Variants in MTMR2 observed in about 807,000 individuals in gnomAD.
MTMR2 encodes the protein phosphatidylinositol-3,5-bisphosphate 3-phosphatase MTMR2.
A neutral mutation model predicts 86.9 loss-of-function variants in MTMR2; 55 were observed. That is an observed-to-expected ratio of 0.63 (90% CI 0.51 to 0.79). MTMR2 has a LOEUF of 0.79. Ranked by LOEUF, MTMR2 falls within the 30% of genes least tolerant of loss-of-function variation. The pLI, the probability that MTMR2 is intolerant of heterozygous loss-of-function variation, is 0.00. For synonymous variants in MTMR2, 241 were observed against 266.8 expected, an observed-to-expected ratio of 0.90 and a Z score of 0.94; for missense variants, 659 against 772.3, an observed-to-expected ratio of 0.85 and a Z score of 1.74.
At chr11:95,902,370 C>A (rs528765824) in intron 1 of MTMR2, among the ~76,000 whole-genome samples, 1 of 152,144 alleles carries the variant, frequency 6.6e-6, no homozygotes, top group Non-Finnish European at 1.5e-5. Flanking sequence ...TCTCCAATAC[C>A]ATTAGCAAAA....
In MTMR2 at chr11:95,857,650, A is replaced by G. The variant is rs1864261330; in HGVS notation, c.571-15T>C. 6.6e-7 allele frequency: 1 copy of G among 1,520,720 alleles called. No individual in the cohort carries two copies. Among genetic ancestry groups the G allele is most frequent in the South Asian group, 1.1e-5 (1 of 89,478 alleles). 94.2% of individuals were successfully genotyped at this position (1,520,720 alleles called of 1,614,324 possible). A position where few individuals can be genotyped will look rare whatever the true frequency, so the allele number is the denominator to read the frequency against. On this transcript the variant is annotated splice_polypyrimidine_tract_variant and intron_variant, in intron 6 of 14. Coordinates refer to ENST00000346299, the MANE Select transcript of MTMR2 (RefSeq NM_016156.6). ...GCAAAAAGAGGCTACAAAAAAGTAA[A>G]CAATGGTAAGAGCTAAAAAAGATAT...
At chr11:95,884,775 T>C (rs1321343547) in intron 2 of MTMR2, among the ~76,000 whole-genome samples, 1 of 152,150 alleles carries the variant, frequency 6.6e-6, no homozygotes, top group African/African-American at 2.4e-5. Context: ...TAATTTAGTG[T>C]TACTCACTCA....
intron 1 of MTMR2, among the ~76,000 whole-genome samples, chr11:95,918,658 T>C (rs1866797457): frequency 6.6e-6 from 1 of 152,148 alleles, no homozygotes; most frequent in African/African-American, 2.4e-5. Flanking sequence ...AATGCCAAGG[T>C]TGTAGGTTCA....
rs35000788 is a variant in MTMR2, at chr11:95,895,160, G to GA, written c.81-6900dup. ...TGAGAGGTACAAACAAGGGCCAGGA[G>GA]AAAAAAAAAAAAACCCGAAGGAAAT... On this transcript the variant is annotated intron_variant, in intron 1 of 14. Coordinates refer to ENST00000346299, the MANE Select transcript of MTMR2 (RefSeq NM_016156.6). 3.3e-3 allele frequency among the ~76,000 whole-genome samples: 417 copies of GA among 126,224 alleles called. 3 individuals carry two copies. Among genetic ancestry groups the GA allele is most frequent in the East Asian group, 0.013 (57 of 4,434 alleles). 82.8% of individuals were successfully genotyped at this position (126,224 alleles called of 152,430 possible).
chr11:95,853,490 A>C (rs1864098662), intron 7 of MTMR2, among the ~76,000 whole-genome samples: 1 of 152,100 alleles, frequency 6.6e-6, no homozygotes. Context: ...TTTCATATAA[A>C]ATATGAAGTC....
rs981883214 is a variant in MTMR2 at position 95,914,244 on chromosome 11, T to G, written c.80+9631A>C. The G allele has an allele frequency of 1.5e-4, 149 of 979,562 alleles. 1 individual carries two copies. The highest frequency in any genetic ancestry group is 1.7e-4 in the Non-Finnish European group (141 of 822,344). The allele number at this position is 979,562 out of a possible 1,614,324, so 60.7% of individuals were successfully genotyped here. A position where few individuals can be genotyped will look rare whatever the true frequency, so the allele number is the denominator to read the frequency against. ...TCTGCATTTTCCCATTCACTTACAT[T>G]ATAATTTTTGAGATGTTTTATCTTC... is the stretch of plus-strand genomic sequence containing the variant. On this transcript the variant is annotated intron_variant, in intron 1 of 14. Coordinates refer to ENST00000346299, the MANE Select transcript of MTMR2 (RefSeq NM_016156.6).
intron 7 of MTMR2, among the ~76,000 whole-genome samples, chr11:95,853,681 ATTTG>A (rs1864106352): frequency 6.6e-6 from 1 of 152,076 alleles, no homozygotes; most frequent in Non-Finnish European, 1.5e-5. Context: ...TTGTTAATCT[ATTTG>A]TTTGAATGCT....
At chr11:95,867,218 T>C (rs895427297) in intron 2 of MTMR2, among the ~76,000 whole-genome samples, 1 of 152,160 alleles carries the variant, frequency 6.6e-6, no homozygotes, top group African/African-American at 2.4e-5. Flanking sequence ...CACTCAGAAA[T>C]ACAACGTTTA....
At chr11:95,864,391 A>G (rs1269129378) in intron 3 of MTMR2, among the ~76,000 whole-genome samples, 1 of 152,160 alleles carries the variant, frequency 6.6e-6, no homozygotes, top group Non-Finnish European at 1.5e-5. Context: ...GCCATATTTC[A>G]TAATGGGAGC....
At chr11:95,875,216 G>A (rs547815814) in intron 2 of MTMR2, among the ~76,000 whole-genome samples, 9 of 152,214 alleles carry the variant, frequency 5.9e-5, no homozygotes, top group Non-Finnish European at 1.0e-4. Flanking sequence ...CATTCTCCCC[G>A]TCACTTTCAG....
chr11:95,839,385 A>C (rs1863439108), intron 12 of MTMR2, among the ~76,000 whole-genome samples: 1 of 152,072 alleles, frequency 6.6e-6, no homozygotes, highest in Non-Finnish European at 1.5e-5. Context: ...CCCTATTATT[A>C]GCGAAATATG....
intron 2 of MTMR2, among the ~76,000 whole-genome samples, chr11:95,868,303 A>AAAAAAAAAG (rs1565362661): frequency 1.5e-5 from 1 of 68,352 alleles, no homozygotes. Flanking sequence ...AAAAAAAAAG[A>AAAAAAAAAG]AAGAAAAAGA....
chr11:95,886,923 C>G (rs1187796160), intron 2 of MTMR2, among the ~76,000 whole-genome samples: 1 of 151,982 alleles, frequency 6.6e-6, no homozygotes, highest in Non-Finnish European at 1.5e-5. Context: ...AACAATGAAC[C>G]CTGCCCTTTG....
intron 1 of MTMR2, among the ~76,000 whole-genome samples, chr11:95,889,443 T>C (rs1865633422): frequency 6.7e-6 from 1 of 148,982 alleles, no homozygotes; most frequent in Non-Finnish European, 1.5e-5. Context: ...AAACTTTCGA[T>C]ACCTGATCAC....
intron 1 of MTMR2, among the ~76,000 whole-genome samples, chr11:95,905,436 T>C (rs1042222455): frequency 2.6e-5 from 4 of 151,608 alleles, no homozygotes; most frequent in African/African-American, 9.7e-5. Context: ...CATCCTGTAA[T>C]TGACAACAGT....
At chr11:95,909,536 T>A (rs1286737986) in intron 1 of MTMR2, among the ~76,000 whole-genome samples, 1 of 152,086 alleles carries the variant, frequency 6.6e-6, no homozygotes, top group African/African-American at 2.4e-5. Context: ...CAACTTAGCT[T>A]CCTCGGAAGG....
chr11:95,871,565 C>T (rs1451678155), intron 2 of MTMR2, among the ~76,000 whole-genome samples: 1 of 152,114 alleles, frequency 6.6e-6, no homozygotes, highest in Non-Finnish European at 1.5e-5. Context: ...TTATATCTTT[C>T]ACCCACTTTT....
chr11:95,913,718 T>C (rs1011814149), intron 1 of MTMR2, among the ~76,000 whole-genome samples: 1 of 151,908 alleles, frequency 6.6e-6, no homozygotes, highest in South Asian at 2.1e-4. Context: ...CAGTAGATGT[T>C]AAACAATTAT....
intron 1 of MTMR2, among the ~76,000 whole-genome samples, chr11:95,898,218 C>G (rs1591035306): frequency 1.3e-5 from 2 of 150,618 alleles, no homozygotes; most frequent in East Asian, 3.9e-4. Context: ...AAGTGATGCC[C>G]TGAAATTGTT....
Sources: allele counts gnomAD v4.1 joint callset (sites outside exome capture counted in the v4.1 genomes callset), GRCh38; gene constraint gnomAD v4.1.1; transcripts MANE v1.5; gene names NCBI Gene and HGNC (gene_info 2026-07-23, HGNC 2026-07-21).